Variants in ARHGEF17 observed in about 807,000 individuals in gnomAD.
ARHGEF17 encodes the protein 164 kDa Rho-specific guanine-nucleotide exchange factor.
ARHGEF17 carries 80 observed loss-of-function variants against 174.0 expected under a neutral mutation model. The ratio of observed to expected loss-of-function variants is 0.46; its 90% confidence interval spans 0.38 to 0.55. ARHGEF17 has a LOEUF of 0.55. ARHGEF17 is among the 20% of genes least tolerant of loss of function. The pLI, the probability that ARHGEF17 is intolerant of heterozygous loss-of-function variation, is 0.00. For synonymous variants in ARHGEF17, 1,311 were observed against 1,189.1 expected, an observed-to-expected ratio of 1.10 and a Z score of -2.11; for missense variants, 2,886 against 2,839.7, an observed-to-expected ratio of 1.02 and a Z score of -0.37.
At chr11:73,319,644 C>T (rs1040892681) in intron 1 of ARHGEF17, among the ~76,000 whole-genome samples, 2 of 152,216 alleles carry the variant, frequency 1.3e-5, no homozygotes, top group Admixed American at 1.3e-4. Flanking sequence ...AACTCAGGCC[C>T]ACTGCATTTA....
At chr11:73,362,346 G>T (rs1370598503) in intron 13 of ARHGEF17, 87 bp from the exon 14 acceptor site, 1 of 1,446,624 alleles carries the variant, frequency 6.9e-7, no homozygotes, top group South Asian at 1.4e-5. Context: ...GGGGCCCGGC[G>T]AGTGTGGGCG....
At chr11:73,357,448 T>A in intron 9 of ARHGEF17, 121 bp downstream of exon 9, 1 of 900,350 alleles carries the variant, frequency 1.1e-6, no homozygotes, top group Non-Finnish European at 1.7e-6. Flanking sequence ...TGGGCCTCGC[T>A]CTCTCATCCA....
chr11:73,311,099 A>G lies in ARHGEF17; in HGVS notation c.2461A>G (p.Lys821Glu). 1 of 1,607,250 alleles carries G rather than the reference A, an allele frequency of 6.2e-7. No homozygotes were observed. Among genetic ancestry groups the G allele is most frequent in the Non-Finnish European group, 8.5e-7 (1 of 1,174,740 alleles). Residue 821 changes from lysine to glutamate, a missense_variant, in exon 1 of 21, where the codon AAA becomes GAA. Lys to Glu is a moderately conservative substitution (Grantham distance 56). This residue lies in a region of ARHGEF17 where 1,728 missense variants were observed against 1,461.2 expected (regional missense o/e 1.18). Transcript: ENST00000263674. ...TGTGGTGGACGACAGGATTGCTGGC[A>G]AAGCCCCCAAGAAGAAATCCCTGAG... The part of the protein sequence containing the change: ...GRVVDDRIAG[K>E]APKKKSLSDP...
rs1415397584 is a variant in ARHGEF17 at position 73,362,196 on chromosome 11, C to T, written c.4651C>T (p.Leu1551Phe). The T allele has an allele frequency of 4.5e-6, 7 of 1,571,966 alleles. No homozygotes were observed. The highest frequency in any genetic ancestry group is 6.0e-6 in the Non-Finnish European group (7 of 1,163,108). The change falls in exon 13 of 21, where the codon CTC becomes TTC. Residue 1551 changes from leucine to phenylalanine, a missense_variant. This residue lies in a region of ARHGEF17 where 476 missense variants were observed against 473.1 expected (regional missense o/e 1.01). Coordinates refer to ENST00000263674, the MANE Select transcript of ARHGEF17 (RefSeq NM_014786.4). ...ACIAVCSARI[L>F]CIGAVPGLQP... ...CATCGCCGTCTGTTCCGCCCGCATC[C>T]TCTGCATCGGGGCGGTGCCCGGGCT...
intron 1 of ARHGEF17, among the ~76,000 whole-genome samples, chr11:73,322,101 G>T (rs1417041833): frequency 6.6e-6 from 1 of 152,226 alleles, no homozygotes; most frequent in Non-Finnish European, 1.5e-5. Context: ...GGCACTGGAG[G>T]TTAAGGAGCA....
chr11:73,337,676 T>A (rs1865308264), intron 1 of ARHGEF17, among the ~76,000 whole-genome samples: 1 of 152,140 alleles, frequency 6.6e-6, no homozygotes, highest in African/African-American at 2.4e-5. Context: ...TGCCTCAGCC[T>A]CCCAAAGTGC....
At chr11:73,313,192 T>C (rs1864870364) in intron 1 of ARHGEF17, among the ~76,000 whole-genome samples, 1 of 152,080 alleles carries the variant, frequency 6.6e-6, no homozygotes, top group Non-Finnish European at 1.5e-5. Flanking sequence ...GGGTTTCTCA[T>C]GGAGGCTGCA....
At chr11:73,329,690 G>A (rs755982909) in intron 1 of ARHGEF17, among the ~76,000 whole-genome samples, 3 of 151,990 alleles carry the variant, frequency 2.0e-5, no homozygotes, top group East Asian at 1.9e-4. Context: ...GTGAGCCACC[G>A]CATCTGGCCT....
chr11:73,311,779 G>T lies in ARHGEF17; in HGVS notation c.3141G>T (p.Arg1047=). 1.2e-6 allele frequency: 2 copies of T among 1,611,840 alleles called. No individual in the cohort carries two copies. The highest frequency in any genetic ancestry group is 1.3e-5 in the African/African-American group (1 of 75,042). ...AGGCCAAGCCCCCTGAGGCAGCTCG[G>T]CCTGCAGATGAGCCTACCCCTGCCA... ...SAEAKPPEAA[R]PADEPTPASK... Residue 1047 remains arginine (R), a synonymous_variant, in exon 1 of 21, where the codon CGG becomes CGT. Transcript: ENST00000263674.
intron 1 of ARHGEF17, among the ~76,000 whole-genome samples, chr11:73,312,126 C>G (rs562280069): frequency 1.3e-5 from 2 of 152,274 alleles, no homozygotes; most frequent in Admixed American, 6.5e-5. Flanking sequence ...TTGGATGTTT[C>G]TCAGGGACTG....
At chr11:73,339,679 A>C (rs1017606199) in intron 1 of ARHGEF17, among the ~76,000 whole-genome samples, 1 of 152,130 alleles carries the variant, frequency 6.6e-6, no homozygotes, top group African/African-American at 2.4e-5. Flanking sequence ...GATTGGGCAG[A>C]AGTAGGGAGG....
chr11:73,349,587 G>T (rs1264296626), intron 2 of ARHGEF17, among the ~76,000 whole-genome samples: 2 of 152,192 alleles, frequency 1.3e-5, no homozygotes, highest in Admixed American at 6.5e-5. Context: ...CTGCACTCCA[G>T]CCTGGGTGAC....
At chr11:73,317,768 GAC>G (rs919526768) in intron 1 of ARHGEF17, among the ~76,000 whole-genome samples, 4 of 152,196 alleles carry the variant, frequency 2.6e-5, no homozygotes, top group African/African-American at 7.2e-5. Context: ...GGGAGAGACA[GAC>G]ACAGAGGAAA....
chr11:73,334,663 C>T (rs563347832), intron 1 of ARHGEF17, among the ~76,000 whole-genome samples: 4 of 152,288 alleles, frequency 2.6e-5, no homozygotes, highest in Non-Finnish European at 1.5e-5. Flanking sequence ...GCTGACCTGG[C>T]CTTTCCCAGG....
chr11:73,317,548 T>G (rs755212110), intron 1 of ARHGEF17, among the ~76,000 whole-genome samples: 7 of 152,190 alleles, frequency 4.6e-5, no homozygotes, highest in Non-Finnish European at 1.0e-4. Context: ...AGCCAATGTT[T>G]CCCAGAAAGG....
At chr11:73,351,774 G>T (rs1461450769) in intron 2 of ARHGEF17, among the ~76,000 whole-genome samples, 1 of 151,906 alleles carries the variant, frequency 6.6e-6, no homozygotes, top group East Asian at 1.9e-4. Context: ...TAGAGACGGG[G>T]TTTCACTGTG....
Position 73,365,499 on chromosome 11 carries a change from A to G in ARHGEF17, c.5660A>G (p.His1887Arg), listed in dbSNP as rs751326716. Residue 1887 changes from histidine (H) to arginine (R), a missense_variant, in exon 19 of 21, where the codon CAT becomes CGT. By Grantham distance (29) the His-to-Arg change is conservative. Around this residue, in one of 4 missense-constraint regions of ARHGEF17, gnomAD observed 329 missense variants for 435.2 expected, o/e 0.76. Transcript: ENST00000263674. The surrounding 1 kb of genome is among the most constrained non-coding windows in gnomAD (Gnocchi z 4.9). ...LKGSAHVCLY[H>R]PDTFEQLAEV... ...GGTAGTGCCCACGTGTGTCTCTACC[A>G]TCCAGACACCTTTGAGCAGCTGGCA... The G allele has an allele frequency of 1.0e-4, 165 of 1,614,004 alleles. No homozygotes were observed. Among genetic ancestry groups the G allele is most frequent in the Non-Finnish European group, 1.4e-4 (161 of 1,180,038 alleles).
chr11:73,323,201 GA>G (rs776865570), intron 1 of ARHGEF17, among the ~76,000 whole-genome samples: 2 of 152,202 alleles, frequency 1.3e-5, no homozygotes, highest in Non-Finnish European at 2.9e-5. Context: ...CCTCCTGGGA[GA>G]GGCCTAATGG....
Position 73,311,066 on chromosome 11 carries a change from C to G in ARHGEF17, c.2428C>G (p.Leu810Val). 5 of 1,610,168 alleles carry G rather than the reference C, an allele frequency of 3.1e-6. No individual in the cohort carries two copies. The highest frequency in any genetic ancestry group is 1.3e-5 in the African/African-American group (1 of 74,978). ...GAGCATAGTTCAGGGGCCTGGCACC[C>G]TGGGGCGTGTGGTGGACGACAGGAT... is the stretch of plus-strand genomic sequence containing the variant. Reference protein sequence around the residue: ...IQSIVQGPGTLGRVVDDRIAG... With the variant: ...IQSIVQGPGTVGRVVDDRIAG... The change falls in exon 1 of 21, where the codon CTG (leucine) becomes GTG (valine). Residue 810 changes from leucine (L) to valine (V), a missense_variant. Transcript: ENST00000263674.
Sources: allele counts gnomAD v4.1 joint callset (sites outside exome capture counted in the v4.1 genomes callset), GRCh38; gene constraint gnomAD v4.1.1; regional missense constraint gnomAD v4.1.1; non-coding constraint Gnocchi (gnomAD v3.1); transcripts MANE v1.5; gene names NCBI Gene and HGNC (gene_info 2026-07-23, HGNC 2026-07-21).